DRAM1: variants seen among roughly 807,000 people sequenced by gnomAD.
DRAM1 encodes the protein DNA damage-regulated autophagy modulator protein 1.
Under a neutral mutation model 28.5 loss-of-function variants are expected in DRAM1, and 25 were observed. That is an observed-to-expected ratio of 0.88 (90% CI 0.64 to 1.23). The LOEUF is 1.23. Among genes scored for constraint, DRAM1 ranks in the 50% most tolerant of loss-of-function variants. The pLI, the probability that DRAM1 is intolerant of heterozygous loss-of-function variation, is 0.00. For missense variants in DRAM1, 249 were observed against 299.2 expected (o/e 0.83, Z 1.24); for synonymous variants, 113 against 114.2 (o/e 0.99, Z 0.07).
At chr12:101,903,926 TACACACACACACAC>T (rs775764624) in intron 3 of DRAM1, among the ~76,000 whole-genome samples, 6 of 135,924 alleles carry the variant, frequency 4.4e-5, no homozygotes, top group South Asian at 2.3e-4. Flanking sequence ...CACACACACA[TACACACACACACAC>T]ACACACACAC....
At chr12:101,905,977 A>G (rs1873791789) in intron 3 of DRAM1, among the ~76,000 whole-genome samples, 1 of 151,732 alleles carries the variant, frequency 6.6e-6, no homozygotes. Flanking sequence ...TTTAGTAGAT[A>G]CGCGGTTTCA....
intron 1 of DRAM1, among the ~76,000 whole-genome samples, chr12:101,881,725 A>G (rs1872693322): frequency 6.6e-6 from 1 of 152,134 alleles, no homozygotes; most frequent in South Asian, 2.1e-4. Flanking sequence ...CTTTGTTCAA[A>G]TGTTATCATC....
rs1874331430 is a variant in DRAM1, at chr12:101,918,237, T to C, written c.580-1872T>C. On this transcript the variant is annotated intron_variant, in intron 5 of 6. Transcript: ENST00000258534. ...ACTTGGTAGGGGGAGGTGAGAATTA[T>C]AATGTCACTGTCTCATTTCACATAG... Among the ~76,000 whole-genome samples the C allele has an allele frequency of 5.3e-5, 8 of 152,252 alleles. No homozygotes were observed. The South Asian group carries it at 1.7e-3, about 31-fold the overall frequency.
chr12:101,880,478 G>A (rs1369300749), intron 1 of DRAM1, among the ~76,000 whole-genome samples: 3 of 151,460 alleles, frequency 2.0e-5, no homozygotes, highest in African/African-American at 4.8e-5. Flanking sequence ...TAGTAGAGAC[G>A]GGGTTTCACC....
chr12:101,880,278 C>CTTTTTTTTTTT (rs61082909), intron 1 of DRAM1, among the ~76,000 whole-genome samples: 4 of 70,096 alleles, frequency 5.7e-5, no homozygotes, highest in African/African-American at 7.6e-5. Context: ...GCAATGCTTC[C>CTTTTTTTTTTT]TTTTTTTTTT....
At chr12:101,919,948 G>A (rs2121178984) in intron 5 of DRAM1, 161 bp from the exon 6 acceptor site, 1 of 425,274 alleles carries the variant, frequency 2.4e-6, no homozygotes, top group East Asian at 3.6e-5. Flanking sequence ...CAGGTGCCCT[G>A]ACACTTAGTA....
At chr12:101,910,744 G>T (rs550387790) in intron 4 of DRAM1, among the ~76,000 whole-genome samples, 2 of 151,976 alleles carry the variant, frequency 1.3e-5, no homozygotes, top group East Asian at 3.9e-4. Flanking sequence ...CTCCCAAAGT[G>T]CTGGGATTAC....
At chr12:101,911,887 T>C (rs946717136) in intron 4 of DRAM1, among the ~76,000 whole-genome samples, 1 of 152,172 alleles carries the variant, frequency 6.6e-6, no homozygotes, top group African/African-American at 2.4e-5. Context: ...TATTTTTATG[T>C]GTTGGGTTAG....
intron 4 of DRAM1, among the ~76,000 whole-genome samples, chr12:101,909,812 GAAAA>G (rs1172621441): frequency 6.6e-6 from 1 of 151,968 alleles, no homozygotes; most frequent in Non-Finnish European, 1.5e-5. Context: ...ATTTAACAAA[GAAAA>G]AAAGCCGTGG....
In DRAM1 at chr12:101,895,196, T is replaced by TTTTTG. The variant is rs1399911949; in HGVS notation, c.132-2663_132-2662insGTTTT. Among the ~76,000 whole-genome samples, 15 of 127,778 alleles carry TTTTTG rather than the reference T, an allele frequency of 1.2e-4. 1 individual carries two copies. Among genetic ancestry groups the TTTTTG allele is most frequent in the Admixed American group, 2.2e-4 (3 of 13,434 alleles). The allele number at this position is 127,778 out of a possible 152,430, so 83.8% of individuals were successfully genotyped here. The stretch of plus-strand genomic sequence containing the variant: ...TTCGAAACCCTTCAGGTTTTTTTTT[T>TTTTTG]TTTTTTTTTTTTTTTTTTTTACCCA... On this transcript the variant is annotated intron_variant, in intron 1 of 6. Coordinates refer to ENST00000258534, the MANE Select transcript of DRAM1 (RefSeq NM_018370.3).
intron 5 of DRAM1, among the ~76,000 whole-genome samples, chr12:101,919,444 G>GC (rs1200127702): frequency 6.6e-6 from 1 of 151,868 alleles, no homozygotes; most frequent in Non-Finnish European, 1.5e-5. Context: ...TAATTTTCTG[G>GC]CCTCCATAGG....
intron 3 of DRAM1, among the ~76,000 whole-genome samples, chr12:101,903,957 ACACACC>A (rs1467756710): frequency 1.2e-3 from 144 of 124,046 alleles, no homozygotes; most frequent in African/African-American, 6.3e-3. Context: ...ACACACACAC[ACACACC>A]CCTATAAGCC....
intron 4 of DRAM1, among the ~76,000 whole-genome samples, chr12:101,913,152 G>A (rs2121152986): frequency 1.3e-5 from 2 of 152,226 alleles, no homozygotes; most frequent in Admixed American, 1.3e-4. Context: ...AAGTATTGCT[G>A]GTGGAAGATA....
At chr12:101,895,121 A>G (rs1260437415) in intron 1 of DRAM1, among the ~76,000 whole-genome samples, 3 of 149,080 alleles carry the variant, frequency 2.0e-5, no homozygotes, top group East Asian at 4.0e-4. Flanking sequence ...CCACCTCAAC[A>G]TTCCTGTAGT....
intron 3 of DRAM1, among the ~76,000 whole-genome samples, chr12:101,903,234 A>C (rs1438819475): frequency 5.9e-5 from 9 of 152,192 alleles, no homozygotes. Flanking sequence ...TTGAGTTGCA[A>C]TAAATCACAT....
chr12:101,903,105 G>C lies in DRAM1; in HGVS notation c.342+1672G>C, dbSNP rs190361504. 3.0e-3 allele frequency among the ~76,000 whole-genome samples: 458 copies of C among 152,176 alleles called. 4 individuals are homozygous for C. The highest frequency in any genetic ancestry group is 0.01 in the African/African-American group (428 of 41,522). On this transcript the variant is annotated intron_variant, in intron 3 of 6. Transcript: ENST00000258534. ...AGCTAATTTTTGTATTTTTAGTAGAGATAGGGTTTCCCCATGTTGGCCAGG... is the reference window on the plus strand; with the variant it reads ...AGCTAATTTTTGTATTTTTAGTAGACATAGGGTTTCCCCATGTTGGCCAGG...
chr12:101,882,102 G>A (rs1228610762), intron 1 of DRAM1, among the ~76,000 whole-genome samples: 2 of 143,864 alleles, frequency 1.4e-5, no homozygotes, highest in Non-Finnish European at 3.0e-5. Flanking sequence ...CATTCTGATG[G>A]TCTAATTTTT....
At chr12:101,901,858 G>A (rs926358019) in intron 3 of DRAM1, among the ~76,000 whole-genome samples, 1 of 128,852 alleles carries the variant, frequency 7.8e-6, no homozygotes, top group African/African-American at 3.3e-5. Flanking sequence ...GACAGAGCGA[G>A]ACTCTATCTC....
At chr12:101,905,859 G>A (rs1420199235) in intron 3 of DRAM1, among the ~76,000 whole-genome samples, 1 of 151,840 alleles carries the variant, frequency 6.6e-6, no homozygotes, top group African/African-American at 2.4e-5. Flanking sequence ...GCACAATCTC[G>A]GCTTACTGCA....
Sources: allele counts gnomAD v4.1 joint callset (sites outside exome capture counted in the v4.1 genomes callset), GRCh38; gene constraint gnomAD v4.1.1; transcripts MANE v1.5; gene names NCBI Gene and HGNC (gene_info 2026-07-23, HGNC 2026-07-21).